The following ZNF333 variants were observed in gnomAD, a reference collection of about 807,000 sequenced individuals.
ZNF333 encodes the protein zinc finger protein 333.
In ZNF333, 61 loss-of-function variants were observed where a neutral mutation model predicts 76.1. The ratio of observed to expected loss-of-function variants is 0.80; its 90% CI spans 0.65 to 0.99. ZNF333 has a LOEUF of 0.99. Ranked by LOEUF, ZNF333 falls within the 50% of genes least tolerant of loss-of-function variation. ZNF333 has a pLI of 0.00. For missense variants in ZNF333, 717 were observed against 822.4 expected (o/e 0.87, Z 1.57); for synonymous variants, 284 against 305.0 (o/e 0.93, Z 0.72).
At chr19:14,695,516 C>G in intron 3 of ZNF333, 50 bp from the exon 4 acceptor site, 2 of 1,551,686 alleles carry the variant, frequency 1.3e-6, no homozygotes, top group Non-Finnish European at 1.8e-6. Context: ...AGTTTGTTTT[C>G]CCCTGCAAGC....
rs2042590259 is a variant in ZNF333, at chr19:14,721,730, C to A, written c.*2405C>A. 6.6e-6 allele frequency: 1 copy of A among 152,196 alleles called. No individual in the cohort carries two copies. Among genetic ancestry groups the A allele is most frequent in the Non-Finnish European group, 1.5e-5 (1 of 68,042 alleles). 9.4% of individuals were successfully genotyped at this position (152,196 alleles called of 1,614,324 possible). ...CATGTTATCACAAATGACAGAATTTCCTTCCTCATCAAGGCTGAATAGTAT... is the reference window on the plus strand; with the variant it reads ...CATGTTATCACAAATGACAGAATTTACTTCCTCATCAAGGCTGAATAGTAT... On this transcript the variant is annotated 3_prime_UTR_variant, in exon 12 of 12. Coordinates refer to ENST00000292530, the MANE Select transcript of ZNF333 (RefSeq NM_032433.4).
At chr19:14,708,905 TGTC>T (rs2042195700) in intron 7 of ZNF333, 1 of 152,262 alleles carries the variant, frequency 6.6e-6, no homozygotes, top group African/African-American at 2.4e-5. Context: ...TGTGTCCAAA[TGTC>T]GTCTTCTTGT....
chr19:14,706,872 T>G, intron 7 of ZNF333, 99 bp downstream of exon 7: 1 of 994,958 alleles, frequency 1.0e-6, no homozygotes, highest in Non-Finnish European at 1.5e-6. Context: ...TTCCTCTGAC[T>G]GCAGGCACTG....
chr19:14,695,487 G>A, intron 3 of ZNF333, 79 bp from the exon 4 acceptor site: 1 of 1,361,286 alleles, frequency 7.3e-7, no homozygotes, highest in Non-Finnish European at 1.0e-6. Context: ...CTGAAGGAGA[G>A]TTTGAGTTGA....
At position 14,719,076 on chromosome 19, in the gene ZNF333, T is replaced by A; in HGVS notation, c.1749T>A (p.Thr583=). 1.2e-6 allele frequency: 2 copies of A among 1,614,084 alleles called. No homozygotes were observed. The highest frequency in any genetic ancestry group is 1.7e-6 in the Non-Finnish European group (2 of 1,179,996). The change falls in exon 12 of 12, where the codon ACT becomes ACA. Residue 583 remains threonine (T), a synonymous_variant. Transcript: ENST00000292530. ...CATCCCTCAGGAAACATGCAAGGAC[T>A]CACAGTGGCAAGAAGCCCTATGCAT... ...EPSSLRKHAR[T]HSGKKPYACQ...
rs972080715 is a variant in ZNF333, at chr19:14,719,634, G to A, written c.*309G>A. On this transcript the variant is annotated 3_prime_UTR_variant, in exon 12 of 12. Coordinates refer to ENST00000292530, the MANE Select transcript of ZNF333 (RefSeq NM_032433.4). ...TAACCACCACCCCATTCCAGATATAGAATGTTTCTATCTCTCTGGAAGGTT... is the reference window on the plus strand; with the variant it reads ...TAACCACCACCCCATTCCAGATATAAAATGTTTCTATCTCTCTGGAAGGTT... 8.1e-6 allele frequency: 9 copies of A among 1,113,316 alleles called. No homozygotes were observed. In the African/African-American group the frequency reaches 1.3e-4, roughly 16 times the overall value. 69.0% of individuals were successfully genotyped at this position (1,113,316 alleles called of 1,614,324 possible).
At chr19:14,700,816 C>G (rs1353023615) in intron 5 of ZNF333, among the ~76,000 whole-genome samples, 1 of 152,196 alleles carries the variant, frequency 6.6e-6, no homozygotes, top group Non-Finnish European at 1.5e-5. Flanking sequence ...GCCCCTTCCC[C>G]TGTGTCATGG....
chr19:14,690,344 A>AC (rs984186490), intron 1 of ZNF333, among the ~76,000 whole-genome samples, 194 bp downstream of exon 1: 4 of 152,030 alleles, frequency 2.6e-5, no homozygotes, highest in Non-Finnish European at 5.9e-5. Context: ...GCTCTCAGGT[A>AC]CCCCCCGTCC....
intron 4 of ZNF333, among the ~76,000 whole-genome samples, chr19:14,695,914 C>G (rs1973146941): frequency 6.6e-6 from 1 of 152,208 alleles, no homozygotes; most frequent in Admixed American, 6.5e-5. Context: ...TGTGGTGGCT[C>G]TTGCATGTAA....
At chr19:14,706,300 T>C (rs1294798211) in intron 6 of ZNF333, 3 of 384,790 alleles carry the variant, frequency 7.8e-6, no homozygotes, top group Non-Finnish European at 1.5e-5. Context: ...GGAGAGGTCT[T>C]CCTCCCAGAA....
intron 6 of ZNF333, among the ~76,000 whole-genome samples, chr19:14,705,716 C>G (rs965014057): frequency 6.6e-6 from 1 of 152,228 alleles, no homozygotes; most frequent in African/African-American, 2.4e-5. Flanking sequence ...GCATCCATGC[C>G]TGAGCTCCGC....
chr19:14,698,826 C>A (rs1446381814), intron 4 of ZNF333, among the ~76,000 whole-genome samples: 5 of 146,070 alleles, frequency 3.4e-5, no homozygotes, highest in African/African-American at 1.3e-4. Context: ...GGCGAAAGAG[C>A]AAGACTCTGT....
chr19:14,731,036 A>G, intron 11 of ZNF333: 1 of 692,182 alleles, frequency 1.4e-6, no homozygotes, highest in Non-Finnish European at 2.5e-6. Context: ...TATTTAGGAC[A>G]TTCATAGGCA....
At chr19:14,731,103 G>C in intron 11 of ZNF333, 2 of 1,370,968 alleles carry the variant, frequency 1.5e-6, no homozygotes, top group Admixed American at 2.0e-5. Context: ...CTCCCCCCAA[G>C]GATTGGCCCC....
intron 7 of ZNF333, among the ~76,000 whole-genome samples, chr19:14,712,790 A>G (rs766444359): frequency 1.3e-5 from 2 of 151,914 alleles, no homozygotes; most frequent in Non-Finnish European, 2.9e-5. Flanking sequence ...TTAAGGGCCT[A>G]CCCTATTCTC....
Position 14,694,992 on chromosome 19 carries a change from A to G in ZNF333, c.4-18A>G. On this transcript the variant is annotated intron_variant, in intron 2 of 11. Coordinates refer to ENST00000292530, the MANE Select transcript of ZNF333 (RefSeq NM_032433.4). ...TGGGGGTGGTATTTGCCGAGCCAGA[A>G]TGTGTGTGCTGTTTTAGGAATCCGT... The G allele has an allele frequency of 6.2e-7, 1 of 1,614,092 alleles. No homozygotes were observed. The highest frequency in any genetic ancestry group is 8.5e-7 in the Non-Finnish European group (1 of 1,179,954).
rs1254618308 is a variant in ZNF333, at chr19:14,695,000, G to A, written c.4-10G>A. 9 of 1,614,046 alleles carry A rather than the reference G, an allele frequency of 5.6e-6. No homozygotes were observed. On this transcript the variant is annotated splice_polypyrimidine_tract_variant and intron_variant, in intron 2 of 11. Coordinates refer to ENST00000292530, the MANE Select transcript of ZNF333 (RefSeq NM_032433.4). ...GTATTTGCCGAGCCAGAATGTGTGT[G>A]CTGTTTTAGGAATCCGTCACCTTTG...
intron 5 of ZNF333, among the ~76,000 whole-genome samples, chr19:14,703,689 G>A (rs1395130041): frequency 6.6e-6 from 1 of 152,206 alleles, no homozygotes; most frequent in Non-Finnish European, 1.5e-5. Flanking sequence ...TTTCCACAGG[G>A]TAAACCACTC....
chr19:14,700,760 G>A (rs549528502), intron 5 of ZNF333, among the ~76,000 whole-genome samples: 45 of 152,320 alleles, frequency 3.0e-4, no homozygotes, highest in Non-Finnish European at 4.7e-4. Flanking sequence ...CAAGTGGGGC[G>A]TATTAGTCCC....
Sources: allele counts gnomAD v4.1 joint callset (sites outside exome capture counted in the v4.1 genomes callset), GRCh38; gene constraint gnomAD v4.1.1; transcripts MANE v1.5; gene names NCBI Gene and HGNC (gene_info 2026-07-23, HGNC 2026-07-21).